Variants in ANXA8 observed in about 807,000 individuals in gnomAD.
ANXA8 encodes the protein annexin A8, also known as VAC-beta.
In ANXA8, 9 loss-of-function variants were observed where a neutral mutation model predicts 26.8. The observed-to-expected ratio is 0.34, with a 90% CI of 0.20 to 0.59. ANXA8 has a LOEUF of 0.59. Ranked by LOEUF, ANXA8 falls within the 20% of genes least tolerant of loss-of-function variation. The pLI, the probability that ANXA8 is intolerant of heterozygous loss-of-function variation, is 0.84. For synonymous variants in ANXA8, 39 were observed against 94.8 expected, an observed-to-expected ratio of 0.41 and a Z score of 3.42; for missense variants, 83 against 238.5, an observed-to-expected ratio of 0.35 and a Z score of 4.29.
At chr10:47,474,904 G>A in intron 7 of ANXA8, 41 bp downstream of exon 7, 1 of 1,532,642 alleles carries the variant, frequency 6.5e-7, no homozygotes, top group Admixed American at 1.8e-5. Flanking sequence ...AGTCCAGATG[G>A]CAGGGGGTGG....
the ANXA8 span, chr10:47,985,729 CA>C: frequency 2.4e-5 from 2 of 84,880 alleles, no homozygotes; most frequent in Admixed American, 2.4e-4. Context: ...AACCCCAAAG[CA>C]ACTATTAAAA....
the ANXA8 span, among the ~76,000 whole-genome samples, chr10:47,918,383 G>GAGAAAGAAAGAAAGAAAGAAAGAAAGAA: frequency 1.9e-4 from 2 of 10,502 alleles, no homozygotes; most frequent in East Asian, 1.3e-3. Flanking sequence ...GAGAGAGAGA[G>GAGAAAGAAAGAAAGAAAGAAAGAAAGAA]AGAAAGAAAG....
At position 47,474,994 on chromosome 10, in the gene ANXA8, T is replaced by A. The variant is rs1243691848; in HGVS notation, c.503A>T (p.Asp168Val). ...ILVCLLQGSR[D>V]DVSSFVDPGL... ...TGGGTCCACAAAGCTGCTCACATCATCCCTGCTGCCCTAGGAACAGAGGAG... is the reference window on the plus strand; with the variant it reads ...TGGGTCCACAAAGCTGCTCACATCAACCCTGCTGCCCTAGGAACAGAGGAG... The change falls in exon 7 of 12, where the codon GAT (aspartate) becomes GTT (valine). Residue 168 changes from aspartate (D) to valine (V), a missense_variant. By Grantham distance (152) the Asp-to-Val change is radical. Coordinates refer to ENST00000585281, the MANE Select transcript of ANXA8 (RefSeq NM_001040084.3). The A allele has an allele frequency of 7.8e-6, 12 of 1,531,094 alleles. 2 individuals are homozygous for A. The highest frequency in any genetic ancestry group is 1.1e-5 in the Non-Finnish European group (12 of 1,131,738). The allele number at this position is 1,531,094 out of a possible 1,614,324, so 94.8% of individuals were successfully genotyped here. A position where few individuals can be genotyped will look rare whatever the true frequency, so the allele number is the denominator to read the frequency against.
At chr10:47,645,625 C>G in the ANXA8 span, among the ~76,000 whole-genome samples, 1 of 151,616 alleles carries the variant, frequency 6.6e-6, no homozygotes, top group African/African-American at 2.4e-5. Flanking sequence ...CCAGACCTCC[C>G]TGTGATGAGT....
chr10:47,901,768 T>C, the ANXA8 span, among the ~76,000 whole-genome samples: 1 of 146,476 alleles, frequency 6.8e-6, no homozygotes. Context: ...AATTATTTTT[T>C]TCATATTACT....
the ANXA8 span, among the ~76,000 whole-genome samples, chr10:47,556,887 G>T: frequency 1.4e-5 from 2 of 147,648 alleles, no homozygotes; most frequent in Non-Finnish European, 1.5e-5. Flanking sequence ...ATTTATTCAG[G>T]TTAAAATAAA....
At chr10:47,714,392 T>C in the ANXA8 span, among the ~76,000 whole-genome samples, 1 of 140,518 alleles carries the variant, frequency 7.1e-6, no homozygotes, top group Non-Finnish European at 1.5e-5. Flanking sequence ...TGTAGTAAAT[T>C]AGATTTATGG....
At chr10:47,665,016 C>T in the ANXA8 span, among the ~76,000 whole-genome samples, 1 of 145,254 alleles carries the variant, frequency 6.9e-6, no homozygotes, top group Non-Finnish European at 1.5e-5. Context: ...TATGAGCCAC[C>T]ACACCCAGTT....
the ANXA8 span, among the ~76,000 whole-genome samples, chr10:47,939,129 G>T: frequency 6.9e-6 from 1 of 145,336 alleles, no homozygotes; most frequent in Non-Finnish European, 1.5e-5. Flanking sequence ...CTGCATAAAA[G>T]CCCATCTCTA....
the ANXA8 span, among the ~76,000 whole-genome samples, chr10:47,665,752 ATTG>A: frequency 6.6e-6 from 1 of 151,382 alleles, no homozygotes; most frequent in Non-Finnish European, 1.5e-5. Context: ...TTAGGAATAA[ATTG>A]TTCTACTCTA....
chr10:47,895,118 C>G, the ANXA8 span, among the ~76,000 whole-genome samples: 2 of 151,860 alleles, frequency 1.3e-5, no homozygotes, highest in Admixed American at 6.6e-5. Context: ...CACACACACA[C>G]TTAATTTGGC....
chr10:47,762,328 C>A, the ANXA8 span, among the ~76,000 whole-genome samples: 15,515 of 144,740 alleles, frequency 0.11, 7 homozygotes, highest in African/African-American at 0.16. Flanking sequence ...GGGTTCCAAC[C>A]GCTGGCCACC....
chr10:47,664,516 C>A, the ANXA8 span, among the ~76,000 whole-genome samples: 8 of 151,038 alleles, frequency 5.3e-5, no homozygotes, highest in South Asian at 2.1e-4. Context: ...TGCAATGAGC[C>A]GAGATCACGC....
the ANXA8 span, among the ~76,000 whole-genome samples, chr10:47,665,723 C>T: frequency 2.0e-5 from 3 of 150,998 alleles, no homozygotes; most frequent in Admixed American, 6.5e-5. Context: ...ACATTTATTC[C>T]TTTCCTTTTC....
the ANXA8 span, among the ~76,000 whole-genome samples, chr10:47,955,273 C>CTT: frequency 5.6e-5 from 8 of 143,620 alleles, no homozygotes; most frequent in African/African-American, 7.8e-5. Context: ...TCCATTAAAT[C>CTT]TTTTTTTTTT....
the ANXA8 span, among the ~76,000 whole-genome samples, chr10:47,627,133 C>T: frequency 6.7e-5 from 10 of 149,826 alleles, no homozygotes; most frequent in South Asian, 2.1e-3. Context: ...AATATTGTCT[C>T]TGCATGCTGA....
At chr10:47,944,845 G>A in the ANXA8 span, among the ~76,000 whole-genome samples, 3 of 147,208 alleles carry the variant, frequency 2.0e-5, no homozygotes, top group African/African-American at 7.8e-5. Context: ...TACATCTCCT[G>A]ACAGCCTGGG....
the ANXA8 span, among the ~76,000 whole-genome samples, chr10:47,776,232 T>TC: frequency 6.7e-6 from 1 of 149,214 alleles, no homozygotes; most frequent in Non-Finnish European, 1.5e-5. Context: ...ACCCATTTTT[T>TC]CCCCCAAACA....
the ANXA8 span, among the ~76,000 whole-genome samples, chr10:47,982,073 G>A: frequency 1.5e-3 from 227 of 151,092 alleles, 3 homozygotes; most frequent in South Asian, 0.047. Context: ...AGGATTGCTT[G>A]AGCCCAGAGT....
Sources: gnomAD v4.1 joint callset for allele counts (sites outside exome capture counted in the v4.1 genomes callset) on GRCh38, gnomAD v4.1.1 for gene constraint, MANE v1.5 for transcripts, NCBI Gene and HGNC (gene_info 2026-07-23, HGNC 2026-07-21) for gene names.